Variants in VTI1A observed in about 807,000 individuals in gnomAD.
VTI1A encodes the protein vesicle transport through interaction with t-SNAREs 1A.
A neutral mutation model predicts 34.9 loss-of-function variants in VTI1A; 22 were observed. That is an observed-to-expected ratio of 0.63 (90% confidence interval 0.45 to 0.90). The LOEUF (loss-of-function observed/expected upper bound fraction) is 0.90, where lower values mean the gene tolerates loss of function less well. Among genes scored for constraint, VTI1A ranks in the 40% least tolerant of loss-of-function variants. The pLI is 0.00. For synonymous variants in VTI1A, 87 were observed against 97.3 expected (o/e 0.89, Z 0.62); for missense variants, 268 against 275.6 (o/e 0.97, Z 0.20).
chr10:112,815,399 T>C lies in VTI1A; in HGVS notation c.*16T>C. 6.2e-7 allele frequency: 1 copy of C among 1,601,196 alleles called. No homozygotes were observed. Among genetic ancestry groups the C allele is most frequent in the Non-Finnish European group, 8.6e-7 (1 of 1,168,254 alleles). On this transcript the variant is annotated 3_prime_UTR_variant, in exon 8 of 8. Coordinates refer to ENST00000393077, the MANE Select transcript of VTI1A (RefSeq NM_145206.4). Reference sequence around the variant, plus strand: ...AAGACACTGATGTATCTGCTCTCCCTTGATAAACAGCAACAACAGCTTGTT... The same window carrying C: ...AAGACACTGATGTATCTGCTCTCCCCTGATAAACAGCAACAACAGCTTGTT...
At chr10:112,694,498 A>G (rs1423571073) in intron 7 of VTI1A, among the ~76,000 whole-genome samples, 1 of 152,060 alleles carries the variant, frequency 6.6e-6, no homozygotes, top group Non-Finnish European at 1.5e-5. Context: ...ATTTTAGTTA[A>G]AGATCTGGAA....
intron 7 of VTI1A, among the ~76,000 whole-genome samples, chr10:112,724,786 G>GAA (rs5787971): frequency 2.6e-5 from 3 of 117,282 alleles, no homozygotes; most frequent in African/African-American, 5.8e-5. Context: ...CCCTTTTTTT[G>GAA]AAAAAAAAAA....
the VTI1A span, among the ~76,000 whole-genome samples, chr10:112,833,711 A>C: frequency 1.3e-5 from 2 of 152,078 alleles, no homozygotes; most frequent in African/African-American, 4.8e-5. Context: ...GGCAGGAATC[A>C]TGTCTGGGGC....
At chr10:112,784,113 GT>G (rs912164009) in intron 7 of VTI1A, among the ~76,000 whole-genome samples, 2 of 152,140 alleles carry the variant, frequency 1.3e-5, no homozygotes, top group African/African-American at 4.8e-5. Flanking sequence ...CTCTTCTCGT[GT>G]TTTTTTATCA....
intron 4 of VTI1A, among the ~76,000 whole-genome samples, chr10:112,536,198 G>A (rs947375945): frequency 2.0e-5 from 3 of 150,962 alleles, no homozygotes; most frequent in Admixed American, 1.3e-4. Flanking sequence ...TTTTAATTTT[G>A]GGATTTCATC....
At chr10:112,484,416 T>A (rs1046111232) in intron 3 of VTI1A, among the ~76,000 whole-genome samples, 3 of 152,236 alleles carry the variant, frequency 2.0e-5, no homozygotes, top group Non-Finnish European at 4.4e-5. Context: ...CTTAATCTGT[T>A]AGGCTCATAA....
intron 7 of VTI1A, among the ~76,000 whole-genome samples, chr10:112,719,617 G>A (rs1849727772): frequency 6.6e-6 from 1 of 151,926 alleles, no homozygotes; most frequent in South Asian, 2.1e-4. Context: ...TGCGATCTCG[G>A]CTCACCGCAA....
intron 5 of VTI1A, among the ~76,000 whole-genome samples, chr10:112,545,478 C>G (rs1488425100): frequency 6.6e-6 from 1 of 152,158 alleles, no homozygotes; most frequent in Non-Finnish European, 1.5e-5. Context: ...TCTCACAAAA[C>G]TATGGTATTT....
At chr10:112,485,274 C>T (rs1221933769) in intron 3 of VTI1A, 1 of 151,014 alleles carries the variant, frequency 6.6e-6, no homozygotes. Context: ...AAGAGCGAAA[C>T]TCTGTCTAAA....
At chr10:112,586,696 C>G (rs1306040215) in intron 5 of VTI1A, among the ~76,000 whole-genome samples, 1 of 152,170 alleles carries the variant, frequency 6.6e-6, no homozygotes, top group Non-Finnish European at 1.5e-5. Context: ...TCTAGCCGAT[C>G]TCCTTAGAAA....
intron 3 of VTI1A, among the ~76,000 whole-genome samples, chr10:112,526,845 C>T (rs192223787): frequency 4.6e-5 from 7 of 152,122 alleles, no homozygotes; most frequent in Admixed American, 3.9e-4. Context: ...AGTTCAGATG[C>T]GTTTATGAAT....
At chr10:112,468,265 C>T (rs1847966887) in intron 3 of VTI1A, among the ~76,000 whole-genome samples, 1 of 152,136 alleles carries the variant, frequency 6.6e-6, no homozygotes, top group Admixed American at 6.5e-5. Context: ...TTCATTTTAC[C>T]ACACCATCTC....
intron 7 of VTI1A, among the ~76,000 whole-genome samples, chr10:112,800,879 T>C (rs112651070): frequency 0.02 from 3,107 of 152,258 alleles, 45 homozygotes; most frequent in Middle Eastern, 0.061. Flanking sequence ...GTCAAGAGGA[T>C]GTAATCTCAG....
chr10:112,591,924 T>C (rs1215347728), intron 5 of VTI1A, among the ~76,000 whole-genome samples: 1 of 152,176 alleles, frequency 6.6e-6, no homozygotes, highest in Non-Finnish European at 1.5e-5. Flanking sequence ...GCAGAAAACT[T>C]TCTGTGTTGG....
chr10:112,476,412 T>C (rs1380807976), intron 3 of VTI1A, among the ~76,000 whole-genome samples: 2 of 152,232 alleles, frequency 1.3e-5, no homozygotes, highest in Non-Finnish European at 2.9e-5. Context: ...TATGGTATAC[T>C]ATTACTTGGA....
intron 7 of VTI1A, among the ~76,000 whole-genome samples, chr10:112,699,281 G>A (rs1848906682): frequency 6.6e-6 from 1 of 152,198 alleles, no homozygotes; most frequent in South Asian, 2.1e-4. Flanking sequence ...TGTGGCTTAA[G>A]CAAGGGACAT....
the VTI1A span, among the ~76,000 whole-genome samples, chr10:112,849,938 T>A: frequency 3.3e-5 from 5 of 152,128 alleles, no homozygotes; most frequent in East Asian, 9.7e-4. Flanking sequence ...TGGGAAGGGG[T>A]AGGGCTCCCC....
At chr10:112,628,034 G>A (rs577362383) in intron 5 of VTI1A, among the ~76,000 whole-genome samples, 12 of 152,166 alleles carry the variant, frequency 7.9e-5, no homozygotes, top group Admixed American at 7.9e-4. Context: ...GACTACGTAT[G>A]CAAAACCACA....
At chr10:112,790,620 C>T (rs1428386074) in intron 7 of VTI1A, among the ~76,000 whole-genome samples, 5 of 152,182 alleles carry the variant, frequency 3.3e-5, no homozygotes, top group Non-Finnish European at 7.3e-5. Context: ...CTGGCAGCCC[C>T]ACCCTGGTAA....
Sources: allele counts gnomAD v4.1 joint callset (sites outside exome capture counted in the v4.1 genomes callset), GRCh38; gene constraint gnomAD v4.1.1; transcripts MANE v1.5; gene names NCBI Gene and HGNC (gene_info 2026-07-23, HGNC 2026-07-21).